Variants in PTPRM observed in about 807,000 individuals in gnomAD.
The protein encoded by PTPRM is receptor-type tyrosine-protein phosphatase mu.
Under a neutral mutation model 186.7 loss-of-function variants are expected in PTPRM, and 47 were observed. The ratio of observed to expected loss-of-function variants is 0.25; its 90% CI spans 0.20 to 0.32. PTPRM has a LOEUF of 0.32. Ranked by LOEUF, PTPRM falls within the 10% of genes least tolerant of loss-of-function variation. The probability of loss-of-function intolerance (pLI) is 1.00; values close to 1 mark genes in which losing one functional copy is unlikely to be tolerated. For synonymous variants in PTPRM, 668 were observed against 674.9 expected, an observed-to-expected ratio of 0.99 and a Z score of 0.16; for missense variants, 1,494 against 1,865.0, an observed-to-expected ratio of 0.80 and a Z score of 3.66.
intron 2 of PTPRM, among the ~76,000 whole-genome samples, chr18:7,793,937 A>T (rs1003783804): frequency 6.6e-6 from 1 of 152,196 alleles, no homozygotes; most frequent in Non-Finnish European, 1.5e-5. Context: ...CGAGGGGAAC[A>T]TAGCGGCAGA....
At chr18:8,330,151 CAGA>C (rs1228001872) in intron 22 of PTPRM, among the ~76,000 whole-genome samples, 2 of 152,114 alleles carry the variant, frequency 1.3e-5, no homozygotes, top group Non-Finnish European at 2.9e-5. Context: ...CCCCATTTTA[CAGA>C]AGAAAAAATA....
rs781617625 is a variant in PTPRM at position 8,113,797 on chromosome 18, G to A, written c.2130+38G>A. 5.8e-6 allele frequency: 9 copies of A among 1,558,548 alleles called. No homozygotes were observed. The East Asian group carries it at 1.4e-4, about 23-fold the overall frequency. ...GATAACTGTTTACTTAGGCTATTTG[G>A]GGTTGTTAATGTGAACATAGATTAA... On this transcript the variant is annotated intron_variant, in intron 12 of 32. Coordinates refer to ENST00000580170, the MANE Select transcript of PTPRM (RefSeq NM_001105244.2).
chr18:7,955,042 T>G, intron 6 of PTPRM, 79 bp from the exon 7 acceptor site: 1 of 1,366,106 alleles, frequency 7.3e-7, no homozygotes, highest in South Asian at 1.6e-5. Context: ...CTTCTACATT[T>G]TAATAATTGA....
At chr18:7,625,593 G>A (rs1171603225) in intron 1 of PTPRM, among the ~76,000 whole-genome samples, 1 of 152,100 alleles carries the variant, frequency 6.6e-6, no homozygotes, top group Non-Finnish European at 1.5e-5. Flanking sequence ...GGAGTGCAGT[G>A]GCGTGATCTC....
chr18:7,907,429 CG>C (rs1310099449), intron 4 of PTPRM, among the ~76,000 whole-genome samples: 3 of 152,170 alleles, frequency 2.0e-5, no homozygotes, highest in Non-Finnish European at 4.4e-5. Flanking sequence ...AGTGAGGCTA[CG>C]CAAGCAGCCA....
intron 30 of PTPRM, among the ~76,000 whole-genome samples, chr18:8,385,375 C>A (rs2095765389): frequency 6.6e-6 from 1 of 152,174 alleles, no homozygotes; most frequent in African/African-American, 2.4e-5. Context: ...GTGACAAATT[C>A]TACAGGAAAA....
chr18:7,920,987 T>C (rs2050828630), intron 4 of PTPRM, among the ~76,000 whole-genome samples: 1 of 152,220 alleles, frequency 6.6e-6, no homozygotes, highest in Non-Finnish European at 1.5e-5. Context: ...TTATATGTTA[T>C]TTGCTTCTTT....
intron 9 of PTPRM, among the ~76,000 whole-genome samples, chr18:8,082,791 T>G (rs2090206295): frequency 6.6e-6 from 1 of 151,992 alleles, no homozygotes; most frequent in African/African-American, 2.4e-5. Flanking sequence ...GCCCAGTCCT[T>G]TCAAATCACA....
chr18:7,693,659 G>A (rs2039782376), intron 1 of PTPRM, among the ~76,000 whole-genome samples: 2 of 152,206 alleles, frequency 1.3e-5, no homozygotes, highest in Non-Finnish European at 2.9e-5. Flanking sequence ...GGGTGTAATA[G>A]AAGCAATCTG....
intron 14 of PTPRM, among the ~76,000 whole-genome samples, chr18:8,212,700 A>G (rs1225579577): frequency 6.6e-6 from 1 of 152,148 alleles, no homozygotes; most frequent in South Asian, 2.1e-4. Context: ...CCAGCTACTC[A>G]GGAGCCTGAG....
At chr18:8,387,280 ACACT>A in intron 31 of PTPRM, 45 bp downstream of exon 31, 1 of 1,561,644 alleles carries the variant, frequency 6.4e-7, no homozygotes, top group Non-Finnish European at 8.8e-7. Flanking sequence ...GCGAGGCCCC[ACACT>A]CACTCTCACC....
At chr18:8,364,785 G>A (rs1409520968) in intron 23 of PTPRM, 1 of 152,140 alleles carries the variant, frequency 6.6e-6, no homozygotes, top group African/African-American at 2.4e-5. Flanking sequence ...CCCCTTTAAA[G>A]TTGTATTTAT....
At chr18:7,708,545 CAAT>C (rs1038105976) in intron 1 of PTPRM, among the ~76,000 whole-genome samples, 11 of 152,120 alleles carry the variant, frequency 7.2e-5, no homozygotes, top group South Asian at 2.1e-4. Context: ...AACATTTTTA[CAAT>C]GAGAGCATAA....
At chr18:8,018,427 C>T (rs1382280196) in intron 7 of PTPRM, among the ~76,000 whole-genome samples, 1 of 152,156 alleles carries the variant, frequency 6.6e-6, no homozygotes, top group Admixed American at 6.5e-5. Flanking sequence ...GTTACGCACC[C>T]CTCATTGTCA....
chr18:7,659,155 C>CACAA (rs1305244376), intron 1 of PTPRM, among the ~76,000 whole-genome samples: 163 of 147,306 alleles, frequency 1.1e-3, no homozygotes, highest in African/African-American at 4.0e-3. Context: ...CACACACACA[C>CACAA]AATCTCCCTT....
chr18:8,138,201 C>G (rs1247738079), intron 13 of PTPRM, among the ~76,000 whole-genome samples: 1 of 98,412 alleles, frequency 1.0e-5, no homozygotes, highest in Non-Finnish European at 2.1e-5. Flanking sequence ...GGATCACCCC[C>G]TACCTTTTTT....
chr18:8,380,162 T>A, intron 28 of PTPRM, 134 bp from the exon 29 acceptor site: 12 of 862,434 alleles, frequency 1.4e-5, no homozygotes, highest in East Asian at 2.6e-5. Context: ...GTGCTGACAA[T>A]GGTGACAGAA....
intron 19 of PTPRM, among the ~76,000 whole-genome samples, chr18:8,294,763 A>C (rs1014284748): frequency 6.6e-6 from 1 of 152,260 alleles, no homozygotes; most frequent in African/African-American, 2.4e-5. Context: ...AGGGACCTTA[A>C]GATGAGCAGA....
intron 7 of PTPRM, among the ~76,000 whole-genome samples, chr18:7,991,922 A>G (rs997604911): frequency 1.3e-5 from 2 of 152,172 alleles, no homozygotes; most frequent in Admixed American, 1.3e-4. Context: ...TTAACAAAGT[A>G]TCTAGAGGTA....
Sources: gnomAD v4.1 joint callset for allele counts (sites outside exome capture counted in the v4.1 genomes callset) on GRCh38, gnomAD v4.1.1 for gene constraint, MANE v1.5 for transcripts, NCBI Gene and HGNC (gene_info 2026-07-23, HGNC 2026-07-21) for gene names.